The following CDH13 variants were observed in gnomAD, a reference collection of about 807,000 sequenced individuals.
CDH13 encodes cadherin-13.
In CDH13, 24 loss-of-function variants were observed where a neutral mutation model predicts 63.8. The observed-to-expected ratio is 0.38, with a 90% confidence interval of 0.27 to 0.53. The LOEUF is 0.53. CDH13 is among the 20% of genes least tolerant of loss of function. The pLI is 0.85. For missense variants in CDH13, 1,049 were observed against 903.1 expected, an observed-to-expected ratio of 1.16 and a Z score of -2.07; for synonymous variants, 503 against 355.3, an observed-to-expected ratio of 1.42 and a Z score of -4.67.
chr16:82,682,284 C>G (rs1914632508), intron 1 of CDH13, among the ~76,000 whole-genome samples: 1 of 152,184 alleles, frequency 6.6e-6, no homozygotes, highest in Admixed American at 6.5e-5. Context: ...CTGATTCCAT[C>G]TGTCTAGGTG....
intron 2 of CDH13, among the ~76,000 whole-genome samples, chr16:83,012,440 G>C (rs537676363): frequency 4.6e-5 from 7 of 151,270 alleles, no homozygotes; most frequent in African/African-American, 7.3e-5. Flanking sequence ...ACCACCTTTG[G>C]GCTATGTAAT....
chr16:83,765,878 A>G (rs1914346264), intron 11 of CDH13, among the ~76,000 whole-genome samples: 1 of 151,990 alleles, frequency 6.6e-6, no homozygotes, highest in South Asian at 2.1e-4. Context: ...AGGTACATTT[A>G]GAGTCCTGTT....
intron 1 of CDH13, among the ~76,000 whole-genome samples, chr16:82,692,060 C>G (rs1190898229): frequency 6.6e-6 from 1 of 152,182 alleles, no homozygotes; most frequent in Non-Finnish European, 1.5e-5. Context: ...GGGGATATGG[C>G]TGGACAATGA....
At chr16:82,863,243 G>T (rs1176800922) in intron 2 of CDH13, among the ~76,000 whole-genome samples, 1 of 152,170 alleles carries the variant, frequency 6.6e-6, no homozygotes, top group East Asian at 1.9e-4. Flanking sequence ...AGTTTAAGCA[G>T]GAGAGCAAGG....
At chr16:83,272,797 A>T (rs79757923) in intron 5 of CDH13, among the ~76,000 whole-genome samples, 1 of 152,192 alleles carries the variant, frequency 6.6e-6, no homozygotes, top group African/African-American at 2.4e-5. Flanking sequence ...AACGTGGGAA[A>T]TGTGGTCTGT....
chr16:82,937,807 T>G lies in CDH13; in HGVS notation c.157+79334T>G, dbSNP rs531508698. Among the ~76,000 whole-genome samples, 4 of 152,378 alleles carry G rather than the reference T, an allele frequency of 2.6e-5. No homozygotes were observed. The South Asian group carries it at 8.3e-4, about 32-fold the overall frequency. On this transcript the variant is annotated intron_variant, in intron 2 of 13. Transcript: ENST00000567109. ...CTTATATTCTGATGATTTGTAGATT[T>G]AATGTTGTTTATTCATCATATCTAT...
intron 4 of CDH13, among the ~76,000 whole-genome samples, chr16:83,160,454 T>G (rs1447409579): frequency 6.6e-6 from 1 of 152,004 alleles, no homozygotes; most frequent in Admixed American, 6.6e-5. Flanking sequence ...AGATGAAGGG[T>G]GGGAGCTTGG....
intron 1 of CDH13, among the ~76,000 whole-genome samples, chr16:82,636,580 C>T (rs1469285466): frequency 6.6e-6 from 1 of 152,214 alleles, no homozygotes; most frequent in Non-Finnish European, 1.5e-5. Flanking sequence ...TAATGATCTT[C>T]TACCCTCAGC....
chr16:83,344,845 T>C lies in CDH13; in HGVS notation c.637-17T>C. 6.2e-7 allele frequency: 1 copy of C among 1,613,028 alleles called. No individual in the cohort carries two copies. Among genetic ancestry groups the C allele is most frequent in the Non-Finnish European group, 8.5e-7 (1 of 1,179,134 alleles). On this transcript the variant is annotated splice_polypyrimidine_tract_variant and intron_variant, in intron 5 of 13. Transcript: ENST00000567109. ...AATTAATATCTTCTTTCTCCCCCAA[T>C]CTCTTTGCTCAAATAGCTATTTGTG...
At position 83,271,422 on chromosome 16, in the gene CDH13, T is replaced by TTAA. The variant is rs1555522986; in HGVS notation, c.636+53925_636+53926insTAA. On this transcript the variant is annotated intron_variant, in intron 5 of 13. Transcript: ENST00000567109. ...CTACCGCACATTGAGGCAGAGTTCA[T>TTAA]AAAAAAAAAAAAAAAAAAAAAAAAA... is the stretch of plus-strand genomic sequence containing the variant. Among the ~76,000 whole-genome samples the TTAA allele has an allele frequency of 2.6e-3, 67 of 26,028 alleles. 12 individuals are homozygous for TTAA. Among genetic ancestry groups the TTAA allele is most frequent in the African/African-American group, 4.3e-3 (32 of 7,478 alleles). 17.1% of individuals were successfully genotyped at this position (26,028 alleles called of 152,430 possible). A position where few individuals can be genotyped will look rare whatever the true frequency, so the allele number is the denominator to read the frequency against.
chr16:83,422,007 C>A (rs1004193692), intron 6 of CDH13, among the ~76,000 whole-genome samples: 8 of 152,076 alleles, frequency 5.3e-5, no homozygotes, highest in Non-Finnish European at 1.0e-4. Flanking sequence ...GTGTTTAGTT[C>A]ATCTTTTTCT....
At chr16:83,003,995 T>A (rs116533632) in intron 2 of CDH13, among the ~76,000 whole-genome samples, 12 of 152,176 alleles carry the variant, frequency 7.9e-5, no homozygotes, top group African/African-American at 2.7e-4. Flanking sequence ...GGTAGGAGAA[T>A]CAAGACAATC....
At chr16:82,935,353 T>C (rs1422709282) in intron 2 of CDH13, among the ~76,000 whole-genome samples, 9 of 152,046 alleles carry the variant, frequency 5.9e-5, no homozygotes, top group Non-Finnish European at 1.0e-4. Flanking sequence ...CCCCAACACG[T>C]GGGGATTATG....
intron 7 of CDH13, among the ~76,000 whole-genome samples, chr16:83,492,491 C>T (rs1296750932): frequency 1.3e-5 from 2 of 152,126 alleles, no homozygotes; most frequent in Non-Finnish European, 2.9e-5. Context: ...GGGTAATTTT[C>T]CCCATTTTTT....
chr16:83,682,800 C>T (rs987710643), intron 10 of CDH13, among the ~76,000 whole-genome samples: 3 of 152,240 alleles, frequency 2.0e-5, no homozygotes, highest in East Asian at 1.9e-4. Context: ...ACCAGGCCCT[C>T]GAAACTAAAA....
chr16:83,612,293 C>T (rs138734620), intron 8 of CDH13, among the ~76,000 whole-genome samples: 8 of 152,104 alleles, frequency 5.3e-5, no homozygotes, highest in African/African-American at 1.7e-4. Context: ...TCTGCTTTAA[C>T]ATTTATCTCA....
intron 5 of CDH13, among the ~76,000 whole-genome samples, chr16:83,339,991 C>T (rs2090686424): frequency 6.6e-6 from 1 of 152,104 alleles, no homozygotes; most frequent in Admixed American, 6.5e-5. Flanking sequence ...AAAATCACAC[C>T]AAGGCTAAGG....
intron 1 of CDH13, among the ~76,000 whole-genome samples, chr16:82,756,300 G>A (rs367825502): frequency 6.6e-6 from 1 of 152,128 alleles, no homozygotes; most frequent in African/African-American, 2.4e-5. Flanking sequence ...CAAGTGAAAA[G>A]TGATATCCTT....
chr16:82,706,312 A>C (rs2031485627), intron 1 of CDH13, among the ~76,000 whole-genome samples: 1 of 152,226 alleles, frequency 6.6e-6, no homozygotes, highest in African/African-American at 2.4e-5. Flanking sequence ...ACAGTTAACA[A>C]GATAAGAAAA....
Sources: gnomAD v4.1 joint callset for allele counts (sites outside exome capture counted in the v4.1 genomes callset) on GRCh38, gnomAD v4.1.1 for gene constraint, MANE v1.5 for transcripts, NCBI Gene and HGNC (gene_info 2026-07-23, HGNC 2026-07-21) for gene names.